Variants in FSTL4 observed in about 807,000 individuals in gnomAD.
The protein encoded by FSTL4 is follistatin like 4, also known as follistatin-related protein 4.
Under a neutral mutation model 78.2 loss-of-function variants are expected in FSTL4, and 28 were observed. The observed-to-expected ratio is 0.36, with a 90% CI of 0.27 to 0.49. The LOEUF is 0.49. FSTL4 is among the 20% of genes least tolerant of loss of function. FSTL4 has a pLI of 0.98. For missense variants in FSTL4, 922 were observed against 1,084.9 expected (o/e 0.85, Z 2.11); for synonymous variants, 422 against 440.5 (o/e 0.96, Z 0.53).
At chr5:133,274,604 G>A (rs969623202) in intron 6 of FSTL4, among the ~76,000 whole-genome samples, 1 of 152,068 alleles carries the variant, frequency 6.6e-6, no homozygotes, top group Non-Finnish European at 1.5e-5. Context: ...GGCTGGTCCC[G>A]AGTGAGAGGG....
At chr5:133,371,744 G>C (rs1755307001) in intron 4 of FSTL4, among the ~76,000 whole-genome samples, 1 of 152,246 alleles carries the variant, frequency 6.6e-6, no homozygotes, top group Non-Finnish European at 1.5e-5. Flanking sequence ...TTTGTTACAG[G>C]AGCATCATTA....
intron 3 of FSTL4, among the ~76,000 whole-genome samples, chr5:133,557,904 C>A (rs1580787584): frequency 1.3e-5 from 2 of 152,184 alleles, no homozygotes; most frequent in East Asian, 3.8e-4. Flanking sequence ...CCTTAAAAGT[C>A]AAAGGGGACC....
At chr5:133,390,724 G>C (rs936846779) in intron 4 of FSTL4, among the ~76,000 whole-genome samples, 7 of 152,242 alleles carry the variant, frequency 4.6e-5, no homozygotes, top group Non-Finnish European at 8.8e-5. Flanking sequence ...CTCTGCTGAT[G>C]GAGATGAGCA....
the FSTL4 span, among the ~76,000 whole-genome samples, chr5:133,765,084 G>A: frequency 6.6e-6 from 1 of 152,182 alleles, no homozygotes; most frequent in African/African-American, 2.4e-5. Flanking sequence ...ATGCACTCAG[G>A]GAGCTTGCTA....
chr5:133,775,807 T>A, the FSTL4 span, among the ~76,000 whole-genome samples: 2 of 152,120 alleles, frequency 1.3e-5, no homozygotes, highest in Admixed American at 6.5e-5. Flanking sequence ...CACAGTGTGA[T>A]GAAATGAGTC....
At chr5:133,547,605 A>G (rs961833822) in intron 3 of FSTL4, among the ~76,000 whole-genome samples, 1 of 152,200 alleles carries the variant, frequency 6.6e-6, no homozygotes, top group African/African-American at 2.4e-5. Context: ...GTTAATTCTT[A>G]TGAATGTGGG....
At chr5:133,581,628 G>C (rs1426442567) in intron 2 of FSTL4, among the ~76,000 whole-genome samples, 1 of 152,256 alleles carries the variant, frequency 6.6e-6, no homozygotes, top group Non-Finnish European at 1.5e-5. Context: ...TGCTGAGAAA[G>C]ACAATGAGGA....
chr5:133,499,880 C>A (rs1280100785), intron 3 of FSTL4, among the ~76,000 whole-genome samples: 1 of 152,148 alleles, frequency 6.6e-6, no homozygotes, highest in Non-Finnish European at 1.5e-5. Flanking sequence ...GCTTGACATT[C>A]ATTTATTCGA....
At chr5:133,510,763 G>A (rs946108684) in intron 3 of FSTL4, among the ~76,000 whole-genome samples, 4 of 152,032 alleles carry the variant, frequency 2.6e-5, no homozygotes, top group African/African-American at 9.7e-5. Flanking sequence ...CAGGAGCTTT[G>A]CGATCCTGTC....
At chr5:133,622,415 C>T in the FSTL4 span, among the ~76,000 whole-genome samples, 77 of 152,146 alleles carry the variant, frequency 5.1e-4, no homozygotes, top group African/African-American at 1.7e-3. Flanking sequence ...CAATTGTTGG[C>T]TTGTATGATA....
chr5:133,425,011 C>T (rs114205112), intron 3 of FSTL4, among the ~76,000 whole-genome samples: 23 of 152,124 alleles, frequency 1.5e-4, no homozygotes, highest in African/African-American at 4.8e-4. Flanking sequence ...ATTTCTTATG[C>T]GCATCAGACT....
At chr5:133,684,224 A>G in the FSTL4 span, among the ~76,000 whole-genome samples, 118,348 of 152,136 alleles carry the variant, frequency 0.78, 46,383 homozygotes, top group African/African-American at 0.86. Context: ...TAAGCAAAAG[A>G]TAGCAGGCGG....
intron 3 of FSTL4, among the ~76,000 whole-genome samples, chr5:133,510,758 G>A (rs1222293312): frequency 6.6e-6 from 1 of 152,100 alleles, no homozygotes; most frequent in Admixed American, 6.5e-5. Flanking sequence ...GAAGACAGGA[G>A]CTTTGCGATC....
the FSTL4 span, among the ~76,000 whole-genome samples, chr5:133,770,459 G>A: frequency 1.3e-5 from 2 of 152,094 alleles, no homozygotes; most frequent in South Asian, 2.1e-4. Context: ...GTTTTAATTT[G>A]CATTTCTCTG....
the FSTL4 span, among the ~76,000 whole-genome samples, chr5:133,779,832 C>T: frequency 2.0e-5 from 3 of 152,090 alleles, no homozygotes; most frequent in South Asian, 4.2e-4. Flanking sequence ...AGGGTCTGTC[C>T]CAGGTTTCCC....
intron 3 of FSTL4, among the ~76,000 whole-genome samples, chr5:133,500,810 TATA>T (rs1758478682): frequency 6.6e-6 from 1 of 152,178 alleles, no homozygotes; most frequent in Non-Finnish European, 1.5e-5. Context: ...TAGATGATCA[TATA>T]ATAATTTAGC....
intron 4 of FSTL4, among the ~76,000 whole-genome samples, chr5:133,382,043 C>T (rs966572346): frequency 2.0e-5 from 3 of 152,222 alleles, no homozygotes; most frequent in Non-Finnish European, 2.9e-5. Context: ...ATCCCCTTCC[C>T]CATCCTGCAC....
At chr5:133,310,724 G>A (rs1184465254) in intron 6 of FSTL4, among the ~76,000 whole-genome samples, 2 of 152,206 alleles carry the variant, frequency 1.3e-5, no homozygotes, top group Non-Finnish European at 2.9e-5. Context: ...AAAATGCACT[G>A]AGCTTTTCCT....
intron 3 of FSTL4, among the ~76,000 whole-genome samples, chr5:133,418,264 GA>G (rs1319666398): frequency 5.3e-5 from 8 of 151,942 alleles, no homozygotes; most frequent in African/African-American, 1.9e-4. Context: ...AGGAGTGAAA[GA>G]AAGAGTATTT....
Sources: allele counts gnomAD v4.1 joint callset (sites outside exome capture counted in the v4.1 genomes callset), GRCh38; gene constraint gnomAD v4.1.1; transcripts MANE v1.5; gene names NCBI Gene and HGNC (gene_info 2026-07-23, HGNC 2026-07-21).